The following TBCA variants were observed in gnomAD, a reference collection of about 807,000 sequenced individuals.
The protein encoded by TBCA is tubulin-specific chaperone A.
A neutral mutation model predicts 15.8 loss-of-function variants in TBCA; 6 were observed. The observed-to-expected ratio is 0.38, with a 90% confidence interval of 0.21 to 0.75. The LOEUF (loss-of-function observed/expected upper bound fraction) is 0.75, where lower values mean the gene tolerates loss of function less well. Ranked by LOEUF, TBCA falls within the 30% of genes least tolerant of loss-of-function variation. The pLI, the probability that TBCA is intolerant of heterozygous loss-of-function variation, is 0.46. For synonymous variants in TBCA, 32 were observed against 42.3 expected (o/e 0.76, Z 0.94); for missense variants, 90 against 131.2 (o/e 0.69, Z 1.53).
At chr5:77,758,457 T>G (rs1747527780) in intron 1 of TBCA, among the ~76,000 whole-genome samples, 1 of 152,194 alleles carries the variant, frequency 6.6e-6, no homozygotes. Context: ...CCCTTTCATG[T>G]GAAATCTTTA....
intron 1 of TBCA, among the ~76,000 whole-genome samples, chr5:77,752,169 A>C (rs1199503264): frequency 6.6e-6 from 1 of 152,188 alleles, no homozygotes; most frequent in Non-Finnish European, 1.5e-5. Context: ...CATTATAGTA[A>C]AGGTTTCTCA....
chr5:77,761,048 G>T (rs1747618967), intron 1 of TBCA, among the ~76,000 whole-genome samples: 1 of 152,044 alleles, frequency 6.6e-6, no homozygotes, highest in African/African-American at 2.4e-5. Flanking sequence ...GCCCCGTCTG[G>T]GAAGTGAGGA....
At chr5:77,723,277 T>TA (rs1027762227) in intron 1 of TBCA, among the ~76,000 whole-genome samples, 16 of 151,638 alleles carry the variant, frequency 1.1e-4, no homozygotes, top group African/African-American at 2.9e-4. Flanking sequence ...AATTTTTTTT[T>TA]AAAAAAAGTA....
chr5:77,753,247 C>G (rs1329977895), intron 1 of TBCA, among the ~76,000 whole-genome samples: 8 of 152,158 alleles, frequency 5.3e-5, no homozygotes, highest in Non-Finnish European at 8.8e-5. Flanking sequence ...CCAAAGATTA[C>G]CAAAGTCATG....
At position 77,727,094 on chromosome 5, in the gene TBCA, T is replaced by C. The variant is rs541210527; in HGVS notation, c.54-18747A>G. Among the ~76,000 whole-genome samples the C allele has an allele frequency of 1.1e-3, 163 of 151,956 alleles. 3 individuals carry two copies. In the South Asian group the frequency reaches 0.033, roughly 30 times the overall value. ...ATTTTTTAAAAATTAAAGCAAACTT[T>C]GTATCAAAATGGATAGTGCTGAGTC... On this transcript the variant is annotated intron_variant, in intron 1 of 3. Transcript: ENST00000380377.
At chr5:77,768,289 T>C (rs1747831310) in intron 1 of TBCA, among the ~76,000 whole-genome samples, 1 of 152,302 alleles carries the variant, frequency 6.6e-6, no homozygotes, top group South Asian at 2.1e-4. Flanking sequence ...CTTTACATGA[T>C]TACCTTATTT....
At chr5:77,741,443 T>C (rs1422444791) in intron 1 of TBCA, among the ~76,000 whole-genome samples, 4 of 152,130 alleles carry the variant, frequency 2.6e-5, no homozygotes, top group East Asian at 3.8e-4. Flanking sequence ...ATAAGGATAG[T>C]AGGGGTGCGA....
chr5:77,745,221 A>C (rs1747159690), intron 1 of TBCA, among the ~76,000 whole-genome samples: 1 of 152,230 alleles, frequency 6.6e-6, no homozygotes, highest in African/African-American at 2.4e-5. Flanking sequence ...TAGAAGCAGA[A>C]AACATTAGTA....
intron 2 of TBCA, among the ~76,000 whole-genome samples, chr5:77,706,810 T>TAA (rs370852221): frequency 0.38 from 40,946 of 107,818 alleles, 7,462 homozygotes; most frequent in African/African-American, 0.39. Flanking sequence ...GACTCCATCT[T>TAA]AAAAAAAAAA....
At chr5:77,766,207 C>A (rs1328144559) in intron 1 of TBCA, among the ~76,000 whole-genome samples, 1 of 152,088 alleles carries the variant, frequency 6.6e-6, no homozygotes, top group Non-Finnish European at 1.5e-5. Context: ...CAAACACAGA[C>A]CCCTCTATTA....
At chr5:77,723,008 A>G (rs189471432) in intron 1 of TBCA, among the ~76,000 whole-genome samples, 3 of 151,936 alleles carry the variant, frequency 2.0e-5, no homozygotes, top group Admixed American at 6.5e-5. Flanking sequence ...TTTAAATTCC[A>G]ATTTAAAAGA....
At chr5:77,753,022 T>TA (rs200865412) in intron 1 of TBCA, among the ~76,000 whole-genome samples, 21 of 151,764 alleles carry the variant, frequency 1.4e-4, no homozygotes, top group South Asian at 4.2e-4. Context: ...AAGCAACTCT[T>TA]AAAAAAAAAT....
At chr5:77,692,855 G>A in intron 3 of TBCA, 1 of 1,115,578 alleles carries the variant, frequency 9.0e-7, no homozygotes, top group Non-Finnish European at 1.1e-6. Context: ...AGGTTTGAAT[G>A]TGAAAGAATT....
At chr5:77,737,001 T>G (rs1267187810) in intron 1 of TBCA, among the ~76,000 whole-genome samples, 6 of 152,196 alleles carry the variant, frequency 3.9e-5, no homozygotes, top group African/African-American at 1.4e-4. Flanking sequence ...GTATACATTG[T>G]TTCTGGAATC....
chr5:77,774,187 T>C (rs961792864), intron 1 of TBCA, among the ~76,000 whole-genome samples: 3 of 152,216 alleles, frequency 2.0e-5, no homozygotes, highest in Non-Finnish European at 4.4e-5. Flanking sequence ...AGCTTTACTC[T>C]AGTATGGCAT....
At chr5:77,736,539 T>A (rs950273972) in intron 1 of TBCA, among the ~76,000 whole-genome samples, 1 of 152,202 alleles carries the variant, frequency 6.6e-6, no homozygotes, top group Non-Finnish European at 1.5e-5. Context: ...TTTCTCAGTA[T>A]ACATTCCACA....
chr5:77,770,081 A>G (rs184373861), intron 1 of TBCA, among the ~76,000 whole-genome samples: 63 of 152,352 alleles, frequency 4.1e-4, no homozygotes, highest in African/African-American at 1.5e-3. Context: ...ATGTTAAATG[A>G]TTGTGAGTGT....
chr5:77,727,108 T>C (rs990105533), intron 1 of TBCA, among the ~76,000 whole-genome samples: 2 of 151,818 alleles, frequency 1.3e-5, no homozygotes, highest in Admixed American at 6.6e-5. Flanking sequence ...TCAAAATGGA[T>C]AGTGCTGAGT....
At chr5:77,708,864 T>C (rs903022663) in intron 1 of TBCA, among the ~76,000 whole-genome samples, 5 of 152,118 alleles carry the variant, frequency 3.3e-5, no homozygotes, top group African/African-American at 1.2e-4. Context: ...CCACCGTGCC[T>C]GGCCCAAAGC....
Sources: allele counts gnomAD v4.1 joint callset (sites outside exome capture counted in the v4.1 genomes callset), GRCh38; gene constraint gnomAD v4.1.1; transcripts MANE v1.5; gene names NCBI Gene and HGNC (gene_info 2026-07-23, HGNC 2026-07-21).